RELN: variants seen among roughly 807,000 people sequenced by gnomAD.
RELN encodes the protein reelin.
RELN carries 108 observed loss-of-function variants against 427.6 expected under a neutral mutation model. The ratio of observed to expected loss-of-function variants is 0.25; its 90% CI spans 0.22 to 0.30. RELN has a LOEUF of 0.30. Among genes scored for constraint, RELN ranks in the 10% least tolerant of loss-of-function variants. The pLI is 1.00. For synonymous variants in RELN, 1,524 were observed against 1,513.4 expected (o/e 1.01, Z -0.16); for missense variants, 3,715 against 4,302.8 (o/e 0.86, Z 3.82).
chr7:103,951,794 T>G (rs992757595), intron 1 of RELN, among the ~76,000 whole-genome samples: 3 of 152,124 alleles, frequency 2.0e-5, no homozygotes, highest in African/African-American at 7.2e-5. Flanking sequence ...TGCCTCAGCC[T>G]CCCAAGTAGT....
intron 51 of RELN, among the ~76,000 whole-genome samples, chr7:103,508,236 GA>G (rs1207654432): frequency 6.6e-6 from 1 of 152,140 alleles, no homozygotes; most frequent in East Asian, 1.9e-4. Context: ...CACAAAAAAA[GA>G]AAATTTCAGG....
At chr7:103,958,911 T>C (rs545405876) in intron 1 of RELN, among the ~76,000 whole-genome samples, 1 of 152,340 alleles carries the variant, frequency 6.6e-6, no homozygotes, top group East Asian at 1.9e-4. Flanking sequence ...GATTTGAAGA[T>C]GGAGATTTGT....
chr7:103,813,087 C>T (rs1378222210), intron 3 of RELN, among the ~76,000 whole-genome samples: 2 of 152,150 alleles, frequency 1.3e-5, no homozygotes, highest in Non-Finnish European at 2.9e-5. Flanking sequence ...TCTTTTCCCT[C>T]TGTTTTAGGT....
intron 1 of RELN, among the ~76,000 whole-genome samples, chr7:103,969,802 T>C (rs4256534): frequency 0.54 from 81,391 of 152,092 alleles, 22,071 homozygotes; most frequent in African/African-American, 0.63. Context: ...CAAACATATA[T>C]TATATCTCAT....
intron 6 of RELN, among the ~76,000 whole-genome samples, chr7:103,739,686 C>T (rs1790590660): frequency 6.6e-6 from 1 of 152,188 alleles, no homozygotes; most frequent in African/African-American, 2.4e-5. Flanking sequence ...TCAAACTTCA[C>T]TTCTCATCTC....
Position 103,735,090 on chromosome 7 carries a change from A to C in RELN, c.657-6883T>G, listed in dbSNP as rs17155053. ...TTTTTCACTAACAAAAACATAAAAG[A>C]ATCAGTAAATATAAAGACTGGTACT... On this transcript the variant is annotated intron_variant, in intron 6 of 64. Transcript: ENST00000428762. Among the ~76,000 whole-genome samples the C allele has an allele frequency of 4.3e-3, 653 of 152,282 alleles. 13 individuals carry two copies. The highest frequency in any genetic ancestry group is 0.039 in the Admixed American group (599 of 15,274).
rs1161584742 is a variant in RELN, at chr7:103,562,537, G to A, written c.5211-584C>T. On this transcript the variant is annotated intron_variant, in intron 34 of 64. Transcript: ENST00000428762. ...ATTTATTTGCAATCTGTTATTTGGA[G>A]TATCTTGGGTCACAAGACTGCTTTA... is the stretch of plus-strand genomic sequence containing the variant. Among the ~76,000 whole-genome samples, 5 of 152,302 alleles carry A rather than the reference G, an allele frequency of 3.3e-5. No individual in the cohort carries two copies. In the East Asian group the frequency reaches 9.6e-4, roughly 29 times the overall value.
At chr7:103,844,993 C>T (rs111825584) in intron 2 of RELN, among the ~76,000 whole-genome samples, 79 of 152,256 alleles carry the variant, frequency 5.2e-4, no homozygotes, top group African/African-American at 1.9e-3. Context: ...ACTCCAGAAA[C>T]GCTCTGCATG....
At chr7:103,557,208 G>T in intron 37 of RELN, 49 bp from the exon 38 acceptor site, 1 of 1,444,030 alleles carries the variant, frequency 6.9e-7, no homozygotes, top group Non-Finnish European at 9.7e-7. Flanking sequence ...TAAAAATGGG[G>T]AAATGGTATG....
chr7:103,767,400 C>A (rs1791453363), intron 4 of RELN, among the ~76,000 whole-genome samples: 1 of 152,192 alleles, frequency 6.6e-6, no homozygotes, highest in South Asian at 2.1e-4. Context: ...AGGCCTGCCA[C>A]TCGTGAGTAC....
Position 103,798,239 on chromosome 7 carries a change from A to G in RELN, c.474-21612T>C, listed in dbSNP as rs187649989. ...GATAGCAATTTGAAAACAAATATGT[A>G]TTTTAAGGAGAAAGGTATTGTGATT... On this transcript the variant is annotated intron_variant, in intron 3 of 64. Coordinates refer to ENST00000428762, the MANE Select transcript of RELN (RefSeq NM_005045.4). Among the ~76,000 whole-genome samples, 29 of 152,320 alleles carry G rather than the reference A, an allele frequency of 1.9e-4. 1 individual carries two copies. The highest frequency in any genetic ancestry group is 1.2e-3 in the South Asian group (6 of 4,826).
Position 103,496,614 on chromosome 7 carries a change from C to T in RELN, c.9105G>A (p.Gly3035=), listed in dbSNP as rs1279644782. ...CCAGTGCCCACTGAGCACGCTCCAC[C>T]CCAGAGACCACAATTCCATTGCTGA... The part of the protein sequence containing the change: ...FVISNGIVVS[G]VERAQWALDN... Residue 3035 remains glycine, a synonymous_variant, in exon 56 of 65, where the codon GGG becomes GGA. Transcript: ENST00000428762. 2 of 1,614,032 alleles carry T rather than the reference C, an allele frequency of 1.2e-6. No homozygotes were observed. Among genetic ancestry groups the T allele is most frequent in the Admixed American group, 1.7e-5 (1 of 59,992 alleles).
rs546358066 is a variant in RELN, at chr7:103,697,324, T to C, written c.1143+529A>G. Among the ~76,000 whole-genome samples, 27 of 152,276 alleles carry C rather than the reference T, an allele frequency of 1.8e-4. No individual in the cohort carries two copies. The South Asian group carries it at 5.0e-3, about 28-fold the overall frequency. ...GCCCACAACACAGCCTTAATGTATC[T>C]GATTTATAATTCTAGACACACGATT... On this transcript the variant is annotated intron_variant, in intron 10 of 64. Transcript: ENST00000428762.
chr7:103,775,868 T>C (rs548431792), intron 4 of RELN, among the ~76,000 whole-genome samples: 4 of 152,274 alleles, frequency 2.6e-5, no homozygotes, highest in Admixed American at 2.6e-4. Flanking sequence ...GCTCAGTCTC[T>C]CTAGGGCAAC....
chr7:103,648,164 C>T (rs997911565), intron 16 of RELN, among the ~76,000 whole-genome samples: 1 of 151,994 alleles, frequency 6.6e-6, no homozygotes, highest in East Asian at 1.9e-4. Flanking sequence ...TTGTAGTCCC[C>T]AATATTGGAG....
chr7:103,496,429 CA>C (rs774305037), intron 56 of RELN, 96 bp downstream of exon 56: 8 of 1,491,792 alleles, frequency 5.4e-6, no homozygotes, highest in Non-Finnish European at 7.5e-6. Context: ...ATGGGCTAGG[CA>C]CTCTTATAAA....
rs994376219 is a variant in RELN, at chr7:103,967,437, C to T, written c.226+21694G>A. Reference sequence around the variant, plus strand: ...TGATTTAGGTGGTTGTCTGCACTTTCCAGGACAACCCTAGAGCAGTGAACC... The same window carrying T: ...TGATTTAGGTGGTTGTCTGCACTTTTCAGGACAACCCTAGAGCAGTGAACC... On this transcript the variant is annotated intron_variant, in intron 1 of 64. Transcript: ENST00000428762. Among the ~76,000 whole-genome samples the T allele has an allele frequency of 2.0e-5, 3 of 152,232 alleles. No individual in the cohort carries two copies. In the South Asian group the frequency reaches 6.2e-4, roughly 32 times the overall value.
intron 19 of RELN, among the ~76,000 whole-genome samples, chr7:103,631,227 A>G (rs909380023): frequency 6.8e-6 from 1 of 147,864 alleles, no homozygotes. Flanking sequence ...AAGAAAACAT[A>G]TTTTCTAAAT....
At chr7:103,558,242 G>T (rs1453528339) in intron 36 of RELN, among the ~76,000 whole-genome samples, 193 bp from the exon 37 acceptor site, 3 of 152,070 alleles carry the variant, frequency 2.0e-5, no homozygotes, top group African/African-American at 4.8e-5. Context: ...CATATCCTGT[G>T]CCTGAATAAC....
Sources: allele counts gnomAD v4.1 joint callset (sites outside exome capture counted in the v4.1 genomes callset), GRCh38; gene constraint gnomAD v4.1.1; transcripts MANE v1.5; gene names NCBI Gene and HGNC (gene_info 2026-07-23, HGNC 2026-07-21).